ARHGEF28: variants seen among roughly 807,000 people sequenced by gnomAD.
ARHGEF28 encodes Rho guanine nucleotide exchange factor 28.
Under a neutral mutation model 206.6 loss-of-function variants are expected in ARHGEF28, and 152 were observed. The observed-to-expected ratio is 0.74, with a 90% CI of 0.64 to 0.84. ARHGEF28 has a LOEUF of 0.84. Ranked by LOEUF, ARHGEF28 falls within the 40% of genes least tolerant of loss-of-function variation. The probability of loss-of-function intolerance (pLI) is 0.00; values close to 1 mark genes in which losing one functional copy is unlikely to be tolerated. For missense variants in ARHGEF28, 2,028 were observed against 2,073.2 expected (o/e 0.98, Z 0.42); for synonymous variants, 763 against 776.4 (o/e 0.98, Z 0.29).
intron 9 of ARHGEF28, among the ~76,000 whole-genome samples, chr5:73,813,128 G>A (rs1755944427): frequency 6.6e-6 from 1 of 152,130 alleles, no homozygotes; most frequent in Non-Finnish European, 1.5e-5. Context: ...GCACCGGGTA[G>A]CTCTTCTGAG....
chr5:73,937,979 A>G (rs1764511679), intron 35 of ARHGEF28, among the ~76,000 whole-genome samples: 1 of 152,232 alleles, frequency 6.6e-6, no homozygotes, highest in Non-Finnish European at 1.5e-5. Context: ...AAGAAGGAAC[A>G]TGGAGAAGGA....
Position 73,684,939 on chromosome 5 carries a change from C to A in ARHGEF28, c.33+55C>A, listed in dbSNP as rs986691356. 15 of 1,567,578 alleles carry A rather than the reference C, an allele frequency of 9.6e-6. No individual in the cohort carries two copies. In the African/African-American group the frequency reaches 1.8e-4, roughly 18 times the overall value. The stretch of plus-strand genomic sequence containing the variant: ...CAAGGGGCCCTTTCTTAACTCCAAA[C>A]CATGTGACTGAAGTGGGGAGAAATG... On this transcript the variant is annotated intron_variant, in intron 2 of 35. Transcript: ENST00000513042.
chr5:73,777,599 T>C (rs13172686), intron 6 of ARHGEF28, among the ~76,000 whole-genome samples: 65,621 of 152,100 alleles, frequency 0.43, 14,286 homozygotes, highest in Non-Finnish European at 0.46. Flanking sequence ...CAAAGATTAT[T>C]ATTGGCTTAC....
At chr5:73,728,834 G>A (rs777276167) in intron 2 of ARHGEF28, among the ~76,000 whole-genome samples, 1 of 152,218 alleles carries the variant, frequency 6.6e-6, no homozygotes, top group Non-Finnish European at 1.5e-5. Flanking sequence ...GTGCAGGATA[G>A]TTGACCATAG....
At chr5:73,800,776 C>T (rs16870882) in intron 9 of ARHGEF28, among the ~76,000 whole-genome samples, 4,483 of 152,100 alleles carry the variant, frequency 0.029, 235 homozygotes, top group African/African-American at 0.1. Context: ...TAGACAAGAC[C>T]GAGAGAGAAA....
chr5:73,792,176 TTTAAG>T (rs1376947895), intron 7 of ARHGEF28, among the ~76,000 whole-genome samples: 4 of 152,190 alleles, frequency 2.6e-5, no homozygotes, highest in Non-Finnish European at 4.4e-5. Flanking sequence ...ACTTTCTACA[TTTAAG>T]TTATTTTTTA....
At position 73,726,665 on chromosome 5, in the gene ARHGEF28, T is replaced by C. The variant is rs1197300081; in HGVS notation, c.34-23172T>C. 8.5e-5 allele frequency among the ~76,000 whole-genome samples: 13 copies of C among 152,356 alleles called. No individual in the cohort carries two copies. The East Asian group carries it at 2.5e-3, about 29-fold the overall frequency. On this transcript the variant is annotated intron_variant, in intron 2 of 35. Coordinates refer to ENST00000513042, the MANE Select transcript of ARHGEF28 (RefSeq NM_001177693.2). Reference sequence around the variant, plus strand: ...TGAATAGCGTTTCAGGGTGACTTTGTATTTTGGCAACATATCCCAGACAGT... The same window carrying C: ...TGAATAGCGTTTCAGGGTGACTTTGCATTTTGGCAACATATCCCAGACAGT...
chr5:73,777,051 G>A (rs1753582502), intron 6 of ARHGEF28, among the ~76,000 whole-genome samples: 1 of 151,980 alleles, frequency 6.6e-6, no homozygotes, highest in Non-Finnish European at 1.5e-5. Flanking sequence ...TTATCATATT[G>A]CTCAAATGTA....
At chr5:73,931,580 A>T (rs1764124904) in intron 35 of ARHGEF28, among the ~76,000 whole-genome samples, 1 of 151,946 alleles carries the variant, frequency 6.6e-6, no homozygotes, top group Admixed American at 6.6e-5. Context: ...GTTGTTCTTT[A>T]ACTCCTACTA....
chr5:73,631,074 T>C (rs1376141755), intron 1 of ARHGEF28, among the ~76,000 whole-genome samples: 1 of 152,190 alleles, frequency 6.6e-6, no homozygotes, highest in Non-Finnish European at 1.5e-5. Context: ...GCCCTAGTCC[T>C]CTTCTTCTGA....
intron 29 of ARHGEF28, among the ~76,000 whole-genome samples, 178 bp from the exon 30 acceptor site, chr5:73,897,784 G>A (rs539702786): frequency 3.3e-5 from 5 of 152,166 alleles, no homozygotes; most frequent in African/African-American, 9.7e-5. Context: ...TGTGGTGTGC[G>A]CGCGTGCGTA....
chr5:73,635,826 A>G (rs1443522685), intron 1 of ARHGEF28, among the ~76,000 whole-genome samples: 1 of 152,200 alleles, frequency 6.6e-6, no homozygotes, highest in Admixed American at 6.5e-5. Context: ...TCAGCTGGCC[A>G]TTCCTATTCT....
In ARHGEF28 at chr5:73,773,169, GATGACAAC is replaced by G. The variant is rs111887516; in HGVS notation, c.476-684_476-677del. Among the ~76,000 whole-genome samples, 646 of 152,324 alleles carry G rather than the reference GATGACAAC, an allele frequency of 4.2e-3. 5 individuals are homozygous for G. The highest frequency in any genetic ancestry group is 0.015 in the African/African-American group (623 of 41,568). The stretch of plus-strand genomic sequence containing the variant: ...ACCTCAAGGACCCCTCCGCCTGGAA[GATGACAAC>G]AGAGAGCGGCAAACACCACAGTGGA... On this transcript the variant is annotated intron_variant, in intron 4 of 35. Coordinates refer to ENST00000513042, the MANE Select transcript of ARHGEF28 (RefSeq NM_001177693.2).
chr5:73,748,502 C>A (rs765069777), intron 2 of ARHGEF28, among the ~76,000 whole-genome samples: 1 of 152,106 alleles, frequency 6.6e-6, no homozygotes. Flanking sequence ...AACCCTACAC[C>A]GATTTTGTTT....
intron 29 of ARHGEF28, among the ~76,000 whole-genome samples, chr5:73,895,709 A>G (rs1761924449): frequency 6.6e-6 from 1 of 152,166 alleles, no homozygotes; most frequent in Admixed American, 6.5e-5. Context: ...ACTTAGCCAC[A>G]TCTGCTTGTT....
intron 2 of ARHGEF28, among the ~76,000 whole-genome samples, chr5:73,690,461 A>T (rs568336271): frequency 6.9e-6 from 1 of 145,536 alleles, no homozygotes; most frequent in East Asian, 2.0e-4. Flanking sequence ...TAATGTCAGC[A>T]CTTTGAGAGG....
At position 73,848,970 on chromosome 5, in the gene ARHGEF28, T is replaced by C. The variant is rs1758538830; in HGVS notation, c.1636-6T>C. 1.3e-6 allele frequency: 2 copies of C among 1,531,790 alleles called. No homozygotes were observed. The highest frequency in any genetic ancestry group is 8.9e-7 in the Non-Finnish European group (1 of 1,126,504). 94.9% of individuals were successfully genotyped at this position (1,531,790 alleles called of 1,614,324 possible). On this transcript the variant is annotated splice_polypyrimidine_tract_variant and splice_region_variant and intron_variant, in intron 12 of 35. Transcript: ENST00000513042. ...TTTTTAAACACTTTATTATAATCTC[T>C]TTTAGGAATCACTGCTTTCTGGAGT... is the stretch of plus-strand genomic sequence containing the variant.
chr5:73,915,336 A>G (rs758014218), intron 35 of ARHGEF28, among the ~76,000 whole-genome samples: 17 of 152,206 alleles, frequency 1.1e-4, no homozygotes, highest in Admixed American at 1.3e-4. Flanking sequence ...AATGTTGCCT[A>G]ATAATAAACC....
intron 13 of ARHGEF28, among the ~76,000 whole-genome samples, chr5:73,852,117 A>G (rs190322246): frequency 2.3e-4 from 35 of 152,264 alleles, no homozygotes; most frequent in Admixed American, 6.5e-4. Context: ...CACAAGTCCA[A>G]TGAAAAAAAT....
Sources: gnomAD v4.1 joint callset for allele counts (sites outside exome capture counted in the v4.1 genomes callset) on GRCh38, gnomAD v4.1.1 for gene constraint, MANE v1.5 for transcripts, NCBI Gene and HGNC (gene_info 2026-07-23, HGNC 2026-07-21) for gene names.